Variants in RFX3 observed in about 807,000 individuals in gnomAD.
The protein encoded by RFX3 is transcription factor RFX3.
Under a neutral mutation model 98.6 loss-of-function variants are expected in RFX3, and 14 were observed. The ratio of observed to expected loss-of-function variants is 0.14; its 90% CI spans 0.09 to 0.22. The LOEUF (loss-of-function observed/expected upper bound fraction) is 0.22. Ranked by LOEUF, RFX3 falls within the 10% of genes least tolerant of loss-of-function variation. The pLI, the probability that RFX3 is intolerant of heterozygous loss-of-function variation, is 1.00. For missense variants in RFX3, 639 were observed against 926.9 expected (o/e 0.69, Z 4.03); for synonymous variants, 383 against 328.4 (o/e 1.17, Z -1.80).
intron 1 of RFX3, among the ~76,000 whole-genome samples, chr9:3,494,933 G>T (rs1160557883): frequency 6.6e-6 from 1 of 151,894 alleles, no homozygotes; most frequent in African/African-American, 2.4e-5. Flanking sequence ...TTGCATAAAA[G>T]ATTTTGGTGT....
intron 2 of RFX3, among the ~76,000 whole-genome samples, chr9:3,356,925 G>A (rs971350738): frequency 4.7e-5 from 7 of 147,542 alleles, no homozygotes; most frequent in Admixed American, 1.3e-4. Context: ...AAAACTCAAC[G>A]TCCATTCATG....
intron 1 of RFX3, among the ~76,000 whole-genome samples, chr9:3,452,132 T>C (rs1294789306): frequency 2.0e-5 from 3 of 150,430 alleles, no homozygotes; most frequent in Non-Finnish European, 2.9e-5. Flanking sequence ...CCTATGGGGA[T>C]GGTGGGTAAT....
intron 1 of RFX3, among the ~76,000 whole-genome samples, chr9:3,416,291 A>G (rs1326699479): frequency 6.6e-6 from 1 of 152,184 alleles, no homozygotes; most frequent in Non-Finnish European, 1.5e-5. Context: ...TAGCATGAAC[A>G]TTATACTGGT....
At chr9:3,275,449 G>T in intron 9 of RFX3, 51 bp downstream of exon 9, 1 of 1,034,768 alleles carries the variant, frequency 9.7e-7, no homozygotes, top group Non-Finnish European at 1.5e-6. Context: ...ATATTAGCAA[G>T]TTATCTGGCA....
intron 5 of RFX3, among the ~76,000 whole-genome samples, chr9:3,299,708 A>G (rs1828419096): frequency 6.6e-6 from 1 of 151,838 alleles, no homozygotes; most frequent in African/African-American, 2.4e-5. Flanking sequence ...TCAAACATTT[A>G]TTAATCTTAA....
chr9:3,282,414 G>C (rs1488775655), intron 7 of RFX3, among the ~76,000 whole-genome samples: 1 of 151,662 alleles, frequency 6.6e-6, no homozygotes, highest in East Asian at 1.9e-4. Flanking sequence ...TCTATAATCG[G>C]GCAAGAAGAG....
chr9:3,464,838 A>G (rs1361199370), intron 1 of RFX3, among the ~76,000 whole-genome samples: 2 of 152,180 alleles, frequency 1.3e-5, no homozygotes, highest in Non-Finnish European at 2.9e-5. Flanking sequence ...TACTGGTGGG[A>G]ATGTTTGATA....
At chr9:3,318,213 T>G (rs1263402525) in intron 4 of RFX3, among the ~76,000 whole-genome samples, 1 of 152,154 alleles carries the variant, frequency 6.6e-6, no homozygotes, top group African/African-American at 2.4e-5. Context: ...TGAGTTCATG[T>G]CCTTTGTAGA....
chr9:3,261,557 T>C (rs1448120943), intron 13 of RFX3, among the ~76,000 whole-genome samples: 4 of 152,134 alleles, frequency 2.6e-5, no homozygotes. Flanking sequence ...TTGACGGACA[T>C]TTGGGTTGTT....
At chr9:3,444,540 C>A (rs933600676) in intron 1 of RFX3, among the ~76,000 whole-genome samples, 2 of 152,016 alleles carry the variant, frequency 1.3e-5, no homozygotes, top group African/African-American at 4.8e-5. Flanking sequence ...TACATCAGAA[C>A]TTATCAAATT....
chr9:3,343,294 A>G (rs2131102122), intron 3 of RFX3, among the ~76,000 whole-genome samples: 1 of 152,288 alleles, frequency 6.6e-6, no homozygotes, highest in East Asian at 1.9e-4. Flanking sequence ...TTCATGATAA[A>G]GATCAGAGTC....
At chr9:3,433,533 A>C (rs1844846738) in intron 1 of RFX3, among the ~76,000 whole-genome samples, 1 of 152,198 alleles carries the variant, frequency 6.6e-6, no homozygotes, top group African/African-American at 2.4e-5. Context: ...TTAATAGTTA[A>C]GTTCTGAGGG....
Position 3,430,883 on chromosome 9 carries a change from T to C in RFX3, c.-8-35287A>G, listed in dbSNP as rs150133053. ...TCATGATGCATAAAATATATGTAGG[T>C]ACTAGTCTGTTTTATCATTTACTAC... On this transcript the variant is annotated intron_variant, in intron 1 of 16. Coordinates refer to ENST00000617270, the MANE Select transcript of RFX3 (RefSeq NM_001282116.2). Among the ~76,000 whole-genome samples, 65 of 152,246 alleles carry C rather than the reference T, an allele frequency of 4.3e-4. 1 individual carries two copies. The highest frequency in any genetic ancestry group is 1.4e-3 in the African/African-American group (57 of 41,542).
chr9:3,403,352 C>T (rs867176648), intron 1 of RFX3, among the ~76,000 whole-genome samples: 2 of 152,026 alleles, frequency 1.3e-5, no homozygotes, highest in Non-Finnish European at 2.9e-5. Context: ...ATTATAAAAA[C>T]GCTGCCTCTT....
At chr9:3,345,034 C>A (rs916682156) in intron 3 of RFX3, among the ~76,000 whole-genome samples, 4 of 152,150 alleles carry the variant, frequency 2.6e-5, no homozygotes, top group Admixed American at 1.3e-4. Context: ...AGTTCGCATT[C>A]AGGGAGAGTT....
At chr9:3,241,707 A>T (rs1819946392) in intron 15 of RFX3, among the ~76,000 whole-genome samples, 1 of 152,200 alleles carries the variant, frequency 6.6e-6, no homozygotes, top group Non-Finnish European at 1.5e-5. Context: ...CGACTTCTTT[A>T]AAAAAATGTT....
chr9:3,480,361 A>G (rs1465785461), intron 1 of RFX3, among the ~76,000 whole-genome samples: 1 of 152,192 alleles, frequency 6.6e-6, no homozygotes, highest in Non-Finnish European at 1.5e-5. Context: ...TTCTTACATG[A>G]TGATCCTCTC....
intron 11 of RFX3, among the ~76,000 whole-genome samples, chr9:3,267,377 G>A (rs756090333): frequency 4.6e-5 from 7 of 151,892 alleles, no homozygotes; most frequent in African/African-American, 7.2e-5. Context: ...TTACGGATGG[G>A]CTTAAATTCC....
rs1554728241 is a variant in RFX3 at position 3,505,240 on chromosome 9, T to TTATATATATATGAA, written c.-9+20493_-9+20506dup. Among the ~76,000 whole-genome samples the TTATATATATATGAA allele has an allele frequency of 3.6e-5, 3 of 84,164 alleles. No individual in the cohort carries two copies. In the Admixed American group the frequency reaches 5.6e-4, roughly 16 times the overall value. The allele number at this position is 84,164 out of a possible 152,430, so 55.2% of individuals were successfully genotyped here. On this transcript the variant is annotated intron_variant, in intron 1 of 16. Transcript: ENST00000617270. Reference sequence around the variant, plus strand: ...TATATATTTATATATGAATATATATTTATATATATATGAATATATATTTAT... The same window carrying TTATATATATATGAA: ...TATATATTTATATATGAATATATATTTATATATATATGAATATATATATATGAATATATATTTAT...
Sources: allele counts gnomAD v4.1 joint callset (sites outside exome capture counted in the v4.1 genomes callset), GRCh38; gene constraint gnomAD v4.1.1; transcripts MANE v1.5; gene names NCBI Gene and HGNC (gene_info 2026-07-23, HGNC 2026-07-21).